RIC8B: variants seen among roughly 807,000 people sequenced by gnomAD.
RIC8B encodes RIC8 guanine nucleotide exchange factor B.
Under a neutral mutation model 57.5 loss-of-function variants are expected in RIC8B, and 16 were observed. The observed-to-expected ratio is 0.28, with a 90% CI of 0.19 to 0.42. RIC8B has a LOEUF of 0.42. RIC8B is among the 10% of genes least tolerant of loss of function. The pLI is 1.00. For missense variants in RIC8B, 481 were observed against 677.0 expected (o/e 0.71, Z 3.21); for synonymous variants, 216 against 250.8 (o/e 0.86, Z 1.31).
intron 5 of RIC8B, 107 bp from the exon 6 acceptor site, chr12:106,843,743 AAG>A: frequency 1.2e-4 from 79 of 653,942 alleles, no homozygotes; most frequent in South Asian, 4.2e-4. Context: ...AAAAAAAAAA[AAG>A]TCCCCACCTC....
chr12:106,806,526 TTTTG>T (rs551519320), intron 2 of RIC8B, among the ~76,000 whole-genome samples: 1 of 152,168 alleles, frequency 6.6e-6, no homozygotes, highest in Non-Finnish European at 1.5e-5. Flanking sequence ...TCTCATTTAC[TTTTG>T]TAACTTAAGA....
intron 8 of RIC8B, among the ~76,000 whole-genome samples, chr12:106,865,218 C>T (rs1025797372): frequency 4.6e-5 from 7 of 152,278 alleles, no homozygotes; most frequent in Middle Eastern, 3.4e-3. Context: ...TTTATATTCC[C>T]ACCAGCAGTG....
At chr12:106,858,600 C>T (rs1949804301) in intron 7 of RIC8B, among the ~76,000 whole-genome samples, 1 of 152,058 alleles carries the variant, frequency 6.6e-6, no homozygotes, top group South Asian at 2.1e-4. Flanking sequence ...ATTCAGAGGG[C>T]TTACCCCACC....
chr12:106,787,326 T>C (rs140160645), intron 2 of RIC8B, among the ~76,000 whole-genome samples: 46 of 152,322 alleles, frequency 3.0e-4, no homozygotes, highest in African/African-American at 1.1e-3. Context: ...CTTTCATGCC[T>C]AAGGCTCTTT....
At chr12:106,797,324 A>G (rs1050141568) in intron 2 of RIC8B, among the ~76,000 whole-genome samples, 8 of 152,270 alleles carry the variant, frequency 5.3e-5, no homozygotes, top group African/African-American at 1.9e-4. Context: ...ATACAAAGGA[A>G]TAAACTAACT....
At position 106,813,028 on chromosome 12, in the gene RIC8B, A is replaced by AT. The variant is rs532181525; in HGVS notation, c.133-1668_133-1667insT. Among the ~76,000 whole-genome samples, 429 of 152,290 alleles carry AT rather than the reference A, an allele frequency of 2.8e-3. 1 individual carries two copies. Among genetic ancestry groups the AT allele is most frequent in the Non-Finnish European group, 5.0e-3 (338 of 68,030 alleles). Reference sequence around the variant, plus strand: ...AGGTTGAAAATACTCAAGGAAAAAAAGGATAGTTGTGTAGAACATGTACAA... The same window carrying AT: ...AGGTTGAAAATACTCAAGGAAAAAAATGGATAGTTGTGTAGAACATGTACAA... On this transcript the variant is annotated intron_variant, in intron 2 of 9. Coordinates refer to ENST00000392837, the MANE Select transcript of RIC8B (RefSeq NM_001330145.2).
rs551754526 is a variant in RIC8B, at chr12:106,779,268, G to A, written c.84+4439G>A. On this transcript the variant is annotated intron_variant, in intron 1 of 9. Coordinates refer to ENST00000392837, the MANE Select transcript of RIC8B (RefSeq NM_001330145.2). Reference sequence around the variant, plus strand: ...TTTTTTTGAGACAGAGTCTCATTCTGCCGCCCAGGCTGGAGTGCAGTGGCT... The same window carrying A: ...TTTTTTTGAGACAGAGTCTCATTCTACCGCCCAGGCTGGAGTGCAGTGGCT... Among the ~76,000 whole-genome samples the A allele has an allele frequency of 5.9e-5, 8 of 134,526 alleles. No individual in the cohort carries two copies. The South Asian group carries it at 1.9e-3, about 32-fold the overall frequency. 88.3% of individuals were successfully genotyped at this position (134,526 alleles called of 152,430 possible). A position where few individuals can be genotyped will look rare whatever the true frequency, so the allele number is the denominator to read the frequency against.
intron 9 of RIC8B, among the ~76,000 whole-genome samples, chr12:106,875,602 G>A (rs1432663032): frequency 6.6e-6 from 1 of 152,038 alleles, no homozygotes; most frequent in Admixed American, 6.6e-5. Context: ...TTTCTACATT[G>A]GAACCAGAGC....
intron 2 of RIC8B, among the ~76,000 whole-genome samples, chr12:106,802,561 T>TA (rs398020960): frequency 1.6e-5 from 2 of 128,686 alleles, no homozygotes; most frequent in Non-Finnish European, 3.4e-5. Context: ...TTTTTTTTTT[T>TA]AAGTAGAACC....
chr12:106,885,468 T>C (rs115126412), intron 9 of RIC8B, among the ~76,000 whole-genome samples: 2 of 152,076 alleles, frequency 1.3e-5, no homozygotes, highest in African/African-American at 4.8e-5. Flanking sequence ...ATTTATTCCA[T>C]TGAATGAAGT....
At chr12:106,874,079 CCTTTT>C (rs530698302) in intron 9 of RIC8B, among the ~76,000 whole-genome samples, 10 of 152,278 alleles carry the variant, frequency 6.6e-5, no homozygotes, top group East Asian at 1.9e-4. Context: ...TAATTCATTT[CCTTTT>C]AACAGTTTAT....
chr12:106,846,024 C>T (rs1046249964), intron 6 of RIC8B, among the ~76,000 whole-genome samples: 2 of 152,074 alleles, frequency 1.3e-5, no homozygotes, highest in Non-Finnish European at 2.9e-5. Context: ...TTGAGTGCCC[C>T]GAGGCAATAC....
At chr12:106,775,351 C>A (rs1270232121) in intron 1 of RIC8B, 1 of 456,040 alleles carries the variant, frequency 2.2e-6, no homozygotes, top group South Asian at 1.5e-5. Context: ...TGGTATCATC[C>A]TCCCCATTTT....
chr12:106,823,979 C>T (rs529748371), intron 3 of RIC8B, among the ~76,000 whole-genome samples: 1 of 152,336 alleles, frequency 6.6e-6, no homozygotes, highest in African/African-American at 2.4e-5. Context: ...AACCACGGCA[C>T]CCGACTCGTA....
intron 3 of RIC8B, among the ~76,000 whole-genome samples, chr12:106,817,693 C>T (rs2045637753): frequency 6.6e-6 from 1 of 151,860 alleles, no homozygotes; most frequent in African/African-American, 2.4e-5. Flanking sequence ...GGCGTGGTCA[C>T]GGGCGCCTGT....
chr12:106,885,468 T>A lies in RIC8B; in HGVS notation c.1572-436T>A, dbSNP rs115126412. ...AATCAAAACCGACAGATTTATTCCATTGAATGAAGTGTATGCATATCAAAT... is the reference window on the plus strand; with the variant it reads ...AATCAAAACCGACAGATTTATTCCAATGAATGAAGTGTATGCATATCAAAT... On this transcript the variant is annotated intron_variant, in intron 9 of 9. Transcript: ENST00000392837. 8.7e-3 allele frequency among the ~76,000 whole-genome samples: 1,331 copies of A among 152,188 alleles called. 27 individuals carry two copies. Among genetic ancestry groups the A allele is most frequent in the African/African-American group, 0.03 (1,264 of 41,524 alleles).
At chr12:106,881,357 T>C (rs1950923692) in intron 9 of RIC8B, among the ~76,000 whole-genome samples, 1 of 151,784 alleles carries the variant, frequency 6.6e-6, no homozygotes, top group Non-Finnish European at 1.5e-5. Context: ...TTTTTTCCTT[T>C]ATCTCAGCCG....
chr12:106,834,740 T>C (rs2046509017), intron 4 of RIC8B, among the ~76,000 whole-genome samples: 1 of 151,910 alleles, frequency 6.6e-6, no homozygotes, highest in East Asian at 1.9e-4. Context: ...TCCCAGCACT[T>C]TGGGAGGCCG....
intron 4 of RIC8B, among the ~76,000 whole-genome samples, chr12:106,837,001 C>G (rs1455665990): frequency 6.6e-6 from 1 of 152,192 alleles, no homozygotes; most frequent in African/African-American, 2.4e-5. Context: ...TCACATTACT[C>G]TCTCTCTAAT....
Sources: gnomAD v4.1 joint callset for allele counts (sites outside exome capture counted in the v4.1 genomes callset) on GRCh38, gnomAD v4.1.1 for gene constraint, MANE v1.5 for transcripts, NCBI Gene and HGNC (gene_info 2026-07-23, HGNC 2026-07-21) for gene names.